The following CLIP2 variants were observed in gnomAD, a reference collection of about 807,000 sequenced individuals.
CLIP2 encodes the protein CAP-Gly domain containing linker protein 2.
Under a neutral mutation model 111.7 loss-of-function variants are expected in CLIP2, and 41 were observed. The ratio of observed to expected loss-of-function variants is 0.37; its 90% CI spans 0.29 to 0.48. The LOEUF (loss-of-function observed/expected upper bound fraction) is 0.48, where lower values mean the gene tolerates loss of function less well. CLIP2 is among the 20% of genes least tolerant of loss of function. CLIP2 has a pLI of 0.99. For synonymous variants in CLIP2, 660 were observed against 644.2 expected, an observed-to-expected ratio of 1.02 and a Z score of -0.37; for missense variants, 1,160 against 1,422.1, an observed-to-expected ratio of 0.82 and a Z score of 2.96.
intron 8 of CLIP2, among the ~76,000 whole-genome samples, chr7:74,364,625 A>G (rs1018779917): frequency 1.3e-5 from 2 of 152,154 alleles, no homozygotes; most frequent in Admixed American, 6.5e-5. Context: ...TTCTTAGGCA[A>G]TAGCCCTAAA....
intron 3 of CLIP2, among the ~76,000 whole-genome samples, chr7:74,349,468 G>GTATATATATATATA (rs1385137051): frequency 1.6e-5 from 1 of 61,778 alleles, no homozygotes; most frequent in Non-Finnish European, 3.1e-5. Flanking sequence ...GTGTGTGTGT[G>GTATATATATATATA]TGTATATATA....
intron 9 of CLIP2, among the ~76,000 whole-genome samples, chr7:74,374,644 C>T (rs187798299): frequency 6.6e-4 from 101 of 152,114 alleles, no homozygotes; most frequent in African/African-American, 2.3e-3. Flanking sequence ...TCATTTGAAC[C>T]GGGGAGGTGG....
chr7:74,356,057 CTG>C, intron 4 of CLIP2, among the ~76,000 whole-genome samples: 1 of 152,298 alleles, frequency 6.6e-6, no homozygotes, highest in Non-Finnish European at 1.5e-5. Context: ...TTTAACCTCT[CTG>C]AGCCTAAATT....
intron 1 of CLIP2, among the ~76,000 whole-genome samples, chr7:74,308,412 AT>A (rs1564029458): frequency 6.6e-6 from 1 of 152,156 alleles, no homozygotes; most frequent in Non-Finnish European, 1.5e-5. Flanking sequence ...CCTGAGTGCT[AT>A]GTCCTAAGGA....
chr7:74,360,337 G>T, intron 7 of CLIP2, 59 bp downstream of exon 7: 1 of 1,323,910 alleles, frequency 7.6e-7, no homozygotes, highest in Non-Finnish European at 1.1e-6. Context: ...ATGAGGAAGA[G>T]GGCAGGCTTG....
At chr7:74,295,696 C>A (rs1055086270) in intron 1 of CLIP2, among the ~76,000 whole-genome samples, 2 of 152,048 alleles carry the variant, frequency 1.3e-5, no homozygotes, top group South Asian at 4.2e-4. Context: ...CGCAGTATAA[C>A]CAGATTAAAA....
At chr7:74,400,760 C>T (rs548078126) in intron 15 of CLIP2, among the ~76,000 whole-genome samples, 2 of 152,190 alleles carry the variant, frequency 1.3e-5, no homozygotes, top group South Asian at 2.1e-4. Flanking sequence ...GTCCTGGGAA[C>T]CCCAGTCTGA....
chr7:74,296,181 C>T (rs147321128), intron 1 of CLIP2, among the ~76,000 whole-genome samples: 3,724 of 151,976 alleles, frequency 0.025, 56 homozygotes, highest in Non-Finnish European at 0.036. Context: ...GCCATCTACA[C>T]GCCAAGGAGA....
In CLIP2 at chr7:74,376,128, C is replaced by T. The variant is rs150588666; in HGVS notation, c.1727C>T (p.Ala576Val). The part of the protein sequence containing the change: ...KYEKALKAYQ[A>V]EVDKLRAANE... ...GAGAAGGCCCTGAAGGCCTACCAGG[C>T]GGAGGTGGACAAGCTCCGCGCGGCC... Residue 576 changes from alanine (A) to valine (V), a missense_variant, in exon 10 of 17, where the codon GCG becomes GTG. Physicochemically the swap from Ala to Val is moderately conservative, Grantham distance 64. Transcript: ENST00000223398. This position sits in a 1 kb window ranked among gnomAD's most constrained non-coding sequence, Gnocchi z 7.1. 1.4e-4 allele frequency: 223 copies of T among 1,608,968 alleles called. 1 individual carries two copies. The African/African-American group carries it at 2.2e-3, about 16-fold the overall frequency.
chr7:74,396,161 C>G (rs781817527), intron 13 of CLIP2, among the ~76,000 whole-genome samples: 34 of 152,144 alleles, frequency 2.2e-4, no homozygotes, highest in Non-Finnish European at 4.0e-4. Flanking sequence ...TCCTGCAGAC[C>G]CCAAATGTGG....
At chr7:74,390,162 G>GAAGAAAGAGAAAGAAAGAAAGAAAGA (rs1416282970) in intron 13 of CLIP2, among the ~76,000 whole-genome samples, 4 of 85,016 alleles carry the variant, frequency 4.7e-5, no homozygotes, top group Middle Eastern at 5.2e-3. Flanking sequence ...AAGAAAGAAA[G>GAAGAAAGAGAAAGAAAGAAAGAAAGA]AAGAAAGAAA....
intron 16 of CLIP2, 117 bp from the exon 17 acceptor site, chr7:74,403,720 C>T (rs1470513093): frequency 6.2e-5 from 63 of 1,023,168 alleles, no homozygotes; most frequent in Middle Eastern, 6.1e-4. Flanking sequence ...ACATGCAGTT[C>T]GCTCTATGCT....
chr7:74,319,501 C>T lies in CLIP2; in HGVS notation c.121+1834C>T, dbSNP rs553190390. The stretch of plus-strand genomic sequence containing the variant: ...CCAGCCTGGGCAACAGAACAAGACT[C>T]TGTCAAAAAATAAAATAAAATAAAG... On this transcript the variant is annotated intron_variant, in intron 2 of 16. Transcript: ENST00000223398. Among the ~76,000 whole-genome samples, 5 of 151,830 alleles carry T rather than the reference C, an allele frequency of 3.3e-5. No individual in the cohort carries two copies. The East Asian group carries it at 9.7e-4, about 29-fold the overall frequency.
At chr7:74,328,458 GGT>G (rs1356526002) in intron 2 of CLIP2, among the ~76,000 whole-genome samples, 3 of 152,136 alleles carry the variant, frequency 2.0e-5, no homozygotes, top group African/African-American at 7.2e-5. Flanking sequence ...GAGGGGAGTT[GGT>G]GTGAGTCCAC....
chr7:74,347,092 C>T (rs1019635827), intron 3 of CLIP2, among the ~76,000 whole-genome samples: 2 of 152,024 alleles, frequency 1.3e-5, no homozygotes, highest in African/African-American at 2.4e-5. Flanking sequence ...GCCCCGTCCC[C>T]GTTCCTGCCT....
intron 3 of CLIP2, among the ~76,000 whole-genome samples, chr7:74,339,344 C>T (rs917110781): frequency 4.0e-5 from 6 of 148,302 alleles, no homozygotes; most frequent in South Asian, 4.3e-4. Flanking sequence ...TTGTTCTTGT[C>T]GTCCAGGCTG....
At chr7:74,401,915 A>G (rs1424860719) in intron 16 of CLIP2, among the ~76,000 whole-genome samples, 3 of 151,542 alleles carry the variant, frequency 2.0e-5, no homozygotes, top group African/African-American at 7.3e-5. Flanking sequence ...AAAATACAAA[A>G]TTAGCCGGGT....
At chr7:74,294,735 C>G (rs1270834211) in intron 1 of CLIP2, among the ~76,000 whole-genome samples, 1 of 152,204 alleles carries the variant, frequency 6.6e-6, no homozygotes, top group African/African-American at 2.4e-5. Context: ...TGAGCTTCCA[C>G]AAGCTTTTAC....
chr7:74,319,824 AAGAGAG>A (rs10550439), intron 2 of CLIP2, among the ~76,000 whole-genome samples: 1 of 149,174 alleles, frequency 6.7e-6, no homozygotes, highest in Non-Finnish European at 1.5e-5. Flanking sequence ...CTAAAAAAAA[AAGAGAG>A]AGAGAAAGAA....
Sources: gnomAD v4.1 joint callset for allele counts (sites outside exome capture counted in the v4.1 genomes callset) on GRCh38, gnomAD v4.1.1 for gene constraint, Gnocchi (gnomAD v3.1) non-coding constraint, MANE v1.5 for transcripts, NCBI Gene and HGNC (gene_info 2026-07-23, HGNC 2026-07-21) for gene names.